OSBPL9: variants seen among roughly 807,000 people sequenced by gnomAD.
The protein encoded by OSBPL9 is oxysterol binding protein like 9.
Under a neutral mutation model 106.6 loss-of-function variants are expected in OSBPL9, and 40 were observed. That is an observed-to-expected ratio of 0.38 (90% CI 0.29 to 0.49). The LOEUF (loss-of-function observed/expected upper bound fraction) is 0.49. Ranked by LOEUF, OSBPL9 falls within the 20% of genes least tolerant of loss-of-function variation. The probability of loss-of-function intolerance (pLI) is 0.97; values close to 1 mark genes in which losing one functional copy is unlikely to be tolerated. For missense variants in OSBPL9, 609 were observed against 887.2 expected (o/e 0.69, Z 3.98); for synonymous variants, 269 against 295.4 (o/e 0.91, Z 0.92).
At chr1:51,771,894 A>G (rs1239353052) in intron 12 of OSBPL9, among the ~76,000 whole-genome samples, 176 bp from the exon 13 acceptor site, 4 of 152,232 alleles carry the variant, frequency 2.6e-5, no homozygotes, top group Non-Finnish European at 5.9e-5. Flanking sequence ...CTTGACTATC[A>G]ACATGGCTTT....
At chr1:51,528,394 A>G in the OSBPL9 span, among the ~76,000 whole-genome samples, 1 of 151,960 alleles carries the variant, frequency 6.6e-6, no homozygotes, top group Non-Finnish European at 1.5e-5. Flanking sequence ...TCTGAAAATG[A>G]TAGCCAGGTA....
chr1:51,605,057 C>T (rs1332902563), intron 2 of OSBPL9, among the ~76,000 whole-genome samples: 1 of 152,176 alleles, frequency 6.6e-6, no homozygotes, highest in Non-Finnish European at 1.5e-5. Flanking sequence ...TGATAAAGAA[C>T]ATCTGGCCCT....
At chr1:51,687,667 C>T (rs189603184) in intron 3 of OSBPL9, among the ~76,000 whole-genome samples, 1 of 152,286 alleles carries the variant, frequency 6.6e-6, no homozygotes, top group Non-Finnish European at 1.5e-5. Context: ...AAAGGATGAC[C>T]TGTTTGAGAA....
upstream of OSBPL9, among the ~76,000 whole-genome samples, chr1:51,573,643 G>A (rs913344389): frequency 7.3e-5 from 11 of 150,954 alleles, no homozygotes; most frequent in South Asian, 6.3e-4. Context: ...GTGAGACCCC[G>A]TCTCTACTAA....
chr1:51,773,524 C>T (rs528268536), intron 14 of OSBPL9, among the ~76,000 whole-genome samples: 115 of 152,324 alleles, frequency 7.5e-4, no homozygotes, highest in Middle Eastern at 3.4e-3. Flanking sequence ...AGATTCTAAT[C>T]TGCTCCATGA....
rs1460268756 is a variant in OSBPL9, at chr1:51,740,236, C to T, written c.319-5300C>T. 3.3e-6 allele frequency: 5 copies of T among 1,499,352 alleles called. No individual in the cohort carries two copies. The African/African-American group carries it at 4.3e-5, about 13-fold the overall frequency. The allele number at this position is 1,499,352 out of a possible 1,614,324, so 92.9% of individuals were successfully genotyped here. On this transcript the variant is annotated intron_variant, in intron 4 of 23. Coordinates refer to ENST00000428468, the MANE Select transcript of OSBPL9 (RefSeq NM_024586.6). ...TGTAAGTGATTGAATTGTAAGTATG[C>T]TCTATACTTCTTTCATTGGATGAAA...
the OSBPL9 span, among the ~76,000 whole-genome samples, chr1:51,554,048 C>T: frequency 2.0e-5 from 3 of 152,154 alleles, no homozygotes; most frequent in Admixed American, 6.5e-5. Context: ...CCTAGCTACT[C>T]GAGAGGCTAA....
At chr1:51,639,620 C>T (rs951991894) in intron 1 of OSBPL9, among the ~76,000 whole-genome samples, 1 of 151,864 alleles carries the variant, frequency 6.6e-6, no homozygotes, top group Non-Finnish European at 1.5e-5. Context: ...TAATAAGTGC[C>T]TTAAGAAAAG....
upstream of OSBPL9, chr1:51,617,021 G>GC: frequency 3.1e-5 from 22 of 704,328 alleles, no homozygotes; most frequent in East Asian, 1.3e-4. Flanking sequence ...CCCAGGACCC[G>GC]CCCCGCCCCC....
the OSBPL9 span, among the ~76,000 whole-genome samples, chr1:51,560,229 T>C: frequency 6.6e-6 from 1 of 152,176 alleles, no homozygotes; most frequent in Non-Finnish European, 1.5e-5. Context: ...CAAGGACAGG[T>C]GGCTGTGGCT....
chr1:51,667,579 C>T (rs1174979949), intron 2 of OSBPL9, among the ~76,000 whole-genome samples: 2 of 152,194 alleles, frequency 1.3e-5, no homozygotes, highest in Non-Finnish European at 2.9e-5. Context: ...TGTTTTATCT[C>T]CTGTACTGGA....
At chr1:51,755,866 C>A (rs1258997276) in intron 8 of OSBPL9, among the ~76,000 whole-genome samples, 1 of 152,300 alleles carries the variant, frequency 6.6e-6, no homozygotes, top group East Asian at 1.9e-4. Flanking sequence ...ACTCTTCACC[C>A]CATCCAGCCC....
chr1:51,561,425 G>A, the OSBPL9 span: 1 of 151,966 alleles, frequency 6.6e-6, no homozygotes, highest in Non-Finnish European at 1.5e-5. Flanking sequence ...TTCTAATGTG[G>A]GACCTGAAAT....
chr1:51,708,734 G>T (rs1659169797), intron 3 of OSBPL9, among the ~76,000 whole-genome samples: 1 of 151,520 alleles, frequency 6.6e-6, no homozygotes, highest in Non-Finnish European at 1.5e-5. Context: ...GTCAATTTTT[G>T]GATTATCTTT....
At chr1:51,757,202 A>AT (rs1044679230) in intron 9 of OSBPL9, among the ~76,000 whole-genome samples, 1 of 152,014 alleles carries the variant, frequency 6.6e-6, no homozygotes. Context: ...TGGTTTAAAA[A>AT]TTTTTTTTAA....
chr1:51,725,711 A>G (rs1268489476), intron 4 of OSBPL9, among the ~76,000 whole-genome samples: 2 of 152,218 alleles, frequency 1.3e-5, no homozygotes, highest in East Asian at 3.8e-4. Context: ...TTCTCCTACA[A>G]AGAAGCCTAG....
At chr1:51,519,011 G>T in the OSBPL9 span, among the ~76,000 whole-genome samples, 1 of 151,252 alleles carries the variant, frequency 6.6e-6, no homozygotes, top group South Asian at 2.1e-4. Flanking sequence ...GGCGGCCGCA[G>T]GGGGGCTCCG....
upstream of OSBPL9, among the ~76,000 whole-genome samples, chr1:51,613,722 T>G (rs1644005057): frequency 6.6e-6 from 1 of 151,914 alleles, no homozygotes; most frequent in Non-Finnish European, 1.5e-5. Context: ...AAACCAAGCC[T>G]TGCCTTTTCT....
intron 3 of OSBPL9, among the ~76,000 whole-genome samples, chr1:51,693,213 A>G (rs1272647564): frequency 1.3e-5 from 2 of 151,930 alleles, no homozygotes; most frequent in Non-Finnish European, 2.9e-5. Flanking sequence ...GTTTCTACAA[A>G]AAATAAAAAA....
Sources: allele counts gnomAD v4.1 joint callset (sites outside exome capture counted in the v4.1 genomes callset), GRCh38; gene constraint gnomAD v4.1.1; transcripts MANE v1.5; gene names NCBI Gene and HGNC (gene_info 2026-07-23, HGNC 2026-07-21).